Variants in PPP6R3 observed in about 807,000 individuals in gnomAD.
PPP6R3 encodes serine/threonine-protein phosphatase 6 regulatory subunit 3.
In PPP6R3, 38 loss-of-function variants were observed where a neutral mutation model predicts 110.7. That is an observed-to-expected ratio of 0.34 (90% CI 0.26 to 0.45). The LOEUF is 0.45. Ranked by LOEUF, PPP6R3 falls within the 20% of genes least tolerant of loss-of-function variation. PPP6R3 has a pLI of 1.00. For synonymous variants in PPP6R3, 369 were observed against 373.5 expected (o/e 0.99, Z 0.14); for missense variants, 870 against 1,062.4 (o/e 0.82, Z 2.52).
intron 10 of PPP6R3, 29 bp from the exon 11 acceptor site, chr11:68,569,719 G>A (rs376103017): frequency 2.9e-5 from 44 of 1,530,924 alleles, no homozygotes; most frequent in East Asian, 1.4e-4. Context: ...TGAGGTAACC[G>A]AATAAAACAT....
intron 1 of PPP6R3, among the ~76,000 whole-genome samples, chr11:68,467,729 G>C (rs2098758547): frequency 6.6e-6 from 1 of 152,176 alleles, no homozygotes; most frequent in Non-Finnish European, 1.5e-5. Context: ...CCATTCGTGA[G>C]AATCATGGTT....
At chr11:68,519,979 A>T (rs11228268) in intron 2 of PPP6R3, among the ~76,000 whole-genome samples, 35,085 of 152,150 alleles carry the variant, frequency 0.23, 4,295 homozygotes, top group Middle Eastern at 0.32. Flanking sequence ...CACTGCTTCC[A>T]GGGCACCGGG....
At chr11:68,508,365 C>T (rs1043101400) in intron 1 of PPP6R3, among the ~76,000 whole-genome samples, 6 of 151,884 alleles carry the variant, frequency 4.0e-5, no homozygotes, top group Non-Finnish European at 5.9e-5. Context: ...CTCCTGACCT[C>T]GTGATCCACC....
At chr11:68,527,888 C>A (rs776546068) in intron 2 of PPP6R3, among the ~76,000 whole-genome samples, 7 of 152,354 alleles carry the variant, frequency 4.6e-5, no homozygotes, top group Non-Finnish European at 8.8e-5. Context: ...CCACTGCTTT[C>A]AGGGAGGCGT....
intron 1 of PPP6R3, among the ~76,000 whole-genome samples, chr11:68,470,659 A>G (rs2098784534): frequency 6.6e-6 from 1 of 152,136 alleles, no homozygotes. Flanking sequence ...GGAGAGCAGT[A>G]ATGGCAGCTG....
chr11:68,593,211 C>A (rs1380883870), intron 18 of PPP6R3, among the ~76,000 whole-genome samples: 2 of 376 alleles, frequency 5.3e-3, no homozygotes, highest in African/African-American at 0.024. Context: ...CCCCCACAAC[C>A]GTCTGTTTTT....
At chr11:68,598,397 G>A (rs992450717) in intron 19 of PPP6R3, among the ~76,000 whole-genome samples, 13 of 152,230 alleles carry the variant, frequency 8.5e-5, no homozygotes, top group Non-Finnish European at 1.9e-4. Context: ...CCTGGGTGTA[G>A]GGATAAGCAG....
intron 18 of PPP6R3, among the ~76,000 whole-genome samples, chr11:68,595,865 C>G (rs1267422590): frequency 1.3e-5 from 2 of 152,186 alleles, no homozygotes; most frequent in Non-Finnish European, 2.9e-5. Flanking sequence ...AGATTGTGGC[C>G]TCCACTTTAA....
chr11:68,466,986 C>T (rs1483291020), intron 1 of PPP6R3, among the ~76,000 whole-genome samples: 1 of 151,320 alleles, frequency 6.6e-6, no homozygotes, highest in Non-Finnish European at 1.5e-5. Context: ...AGTGAGCCGC[C>T]CGCCTTGGCC....
Position 68,584,106 on chromosome 11 carries a change from A to C in PPP6R3, c.1632+977A>C, listed in dbSNP as rs369565734. ...CCAAATAGGTCTGAAGTAGCATTTC[A>C]GCATTTGGCTGACTTCTCTGTTGAT... On this transcript the variant is annotated intron_variant, in intron 15 of 23. Transcript: ENST00000393800. 2.3e-4 allele frequency among the ~76,000 whole-genome samples: 35 copies of C among 152,334 alleles called. No individual in the cohort carries two copies. The South Asian group carries it at 6.6e-3, about 29-fold the overall frequency.
At position 68,478,246 on chromosome 11, in the gene PPP6R3, C is replaced by G. The variant is rs113986542; in HGVS notation, c.-158+17419C>G. Among the ~76,000 whole-genome samples the G allele has an allele frequency of 4.6e-5, 7 of 152,282 alleles. 2 individuals carry two copies. Among genetic ancestry groups the G allele is most frequent in the African/African-American group, 1.7e-4 (7 of 41,560 alleles). ...TACAGGCGTGAGCTGCCGCGCCCGG[C>G]CCAGGCTGGTCTTTTAACTCCTGGG... On this transcript the variant is annotated intron_variant, in intron 1 of 23. Coordinates refer to ENST00000393800, the MANE Select transcript of PPP6R3 (RefSeq NM_001164161.2).
At chr11:68,549,244 T>C (rs1023574054) in intron 5 of PPP6R3, among the ~76,000 whole-genome samples, 1 of 152,234 alleles carries the variant, frequency 6.6e-6, no homozygotes, top group Non-Finnish European at 1.5e-5. Flanking sequence ...CTTCAGTCTA[T>C]CCGTCTTTAA....
intron 19 of PPP6R3, among the ~76,000 whole-genome samples, chr11:68,597,218 G>T (rs2099616448): frequency 6.6e-6 from 1 of 152,220 alleles, no homozygotes; most frequent in Admixed American, 6.5e-5. Context: ...TGGGTACAGG[G>T]TGCTAGAAGA....
intron 20 of PPP6R3, 45 bp downstream of exon 20, chr11:68,600,539 G>A (rs368044217): frequency 1.3e-6 from 2 of 1,575,220 alleles, no homozygotes; most frequent in African/African-American, 2.7e-5. Flanking sequence ...CGGGGGACCT[G>A]GGAATGGTCA....
chr11:68,590,359 G>A (rs2099591467), intron 16 of PPP6R3, among the ~76,000 whole-genome samples: 1 of 152,040 alleles, frequency 6.6e-6, no homozygotes. Context: ...TATTAGTATG[G>A]CCCATGGAAC....
intron 19 of PPP6R3, among the ~76,000 whole-genome samples, chr11:68,599,162 G>C (rs2099622879): frequency 6.6e-6 from 1 of 152,050 alleles, no homozygotes; most frequent in Non-Finnish European, 1.5e-5. Flanking sequence ...AGTTTCCCTA[G>C]CATTCCTTCC....
At chr11:68,503,318 T>C (rs2099058122) in intron 1 of PPP6R3, among the ~76,000 whole-genome samples, 1 of 152,184 alleles carries the variant, frequency 6.6e-6, no homozygotes, top group Non-Finnish European at 1.5e-5. Context: ...TCCCAGCGCT[T>C]TGTTTTAGTT....
At chr11:68,558,316 C>T (rs2099407036) in intron 7 of PPP6R3, 3 of 248,156 alleles carry the variant, frequency 1.2e-5, no homozygotes, top group South Asian at 1.4e-4. Context: ...CAAGCATGGC[C>T]CAGGTTATTT....
chr11:68,474,612 C>G (rs2098815275), intron 1 of PPP6R3, among the ~76,000 whole-genome samples: 1 of 152,134 alleles, frequency 6.6e-6, no homozygotes, highest in Admixed American at 6.5e-5. Context: ...TCATTTGTCT[C>G]TTGAGAGTTT....
Sources: allele counts gnomAD v4.1 joint callset (sites outside exome capture counted in the v4.1 genomes callset), GRCh38; gene constraint gnomAD v4.1.1; transcripts MANE v1.5; gene names NCBI Gene and HGNC (gene_info 2026-07-23, HGNC 2026-07-21).